CACNA1S: variants seen among roughly 807,000 people sequenced by gnomAD.
The protein encoded by CACNA1S is calcium voltage-gated channel subunit alpha1 S, also known as voltage-dependent L-type calcium channel subunit alpha-1S.
A neutral mutation model predicts 207.4 loss-of-function variants in CACNA1S; 126 were observed. The observed-to-expected ratio is 0.61, with a 90% CI of 0.53 to 0.70. The LOEUF is 0.70. Among genes scored for constraint, CACNA1S ranks in the 30% least tolerant of loss-of-function variants. The pLI, the probability that CACNA1S is intolerant of heterozygous loss-of-function variation, is 0.00. For missense variants in CACNA1S, 2,349 were observed against 2,422.8 expected, an observed-to-expected ratio of 0.97 and a Z score of 0.64; for synonymous variants, 960 against 932.7, an observed-to-expected ratio of 1.03 and a Z score of -0.53.
At chr1:201,058,517 G>A (rs373702601) in intron 27 of CACNA1S, 26 bp from the exon 28 acceptor site, 33 of 1,562,840 alleles carry the variant, frequency 2.1e-5, no homozygotes, top group South Asian at 1.3e-4. Context: ...ATGGGAAAGC[G>A]AGGGGGTGAG....
intron 2 of CACNA1S, among the ~76,000 whole-genome samples, chr1:201,100,252 T>A (rs1662599358): frequency 6.6e-6 from 1 of 152,250 alleles, no homozygotes; most frequent in Admixed American, 6.5e-5. Context: ...TCACAGAGGT[T>A]GGAAGTGAGA....
intron 2 of CACNA1S, among the ~76,000 whole-genome samples, chr1:201,098,017 C>T (rs921917891): frequency 9.9e-5 from 15 of 152,178 alleles, no homozygotes; most frequent in Non-Finnish European, 1.5e-4. Flanking sequence ...TGGCTCTCAC[C>T]CCCCAACTGT....
Position 201,085,491 on chromosome 1 carries a change from GCCCCGAAGGT to G in CACNA1S, c.1085_1094del (p.Asp362AlafsTer3). 3.1e-6 allele frequency: 5 copies of G among 1,613,208 alleles called. No individual in the cohort carries two copies. The highest frequency in any genetic ancestry group is 4.2e-6 in the Non-Finnish European group (5 of 1,179,878). On this transcript the variant is annotated frameshift_variant, in exon 8 of 44. Coordinates refer to ENST00000362061, the MANE Select transcript of CACNA1S (RefSeq NM_000069.3). LOFTEE classifies it high-confidence loss of function. ...CGCCCTGCGTGATCCAGCTCATGTA[GCCCCGAAGGT>G]CCTCATCTAGTTGCTGCTTCTCCCG...
At chr1:201,104,423 C>G (rs1662800105) in intron 2 of CACNA1S, among the ~76,000 whole-genome samples, 1 of 152,238 alleles carries the variant, frequency 6.6e-6, no homozygotes, top group African/African-American at 2.4e-5. Context: ...ACTATTCTGT[C>G]CTCTAGAGAT....
Position 201,065,863 on chromosome 1 carries a change from G to T in CACNA1S, c.2828C>A (p.Ala943Asp), listed in dbSNP as rs1190686993. ...LVTTLLQFMF[A>D]CIGVQLFKGK... Reference sequence around the variant, plus strand: ...CTTGAAGAGCTGGACGCCGATGCAGGCAAACATGAACTGTAGGAGGGTAGT... The same window carrying T: ...CTTGAAGAGCTGGACGCCGATGCAGTCAAACATGAACTGTAGGAGGGTAGT... The change falls in exon 22 of 44, where the codon GCC becomes GAC. Residue 943 changes from alanine (A) to aspartate (D), a missense_variant. Transcript: ENST00000362061. 6.2e-7 allele frequency: 1 copy of T among 1,614,036 alleles called. No individual in the cohort carries two copies. Among genetic ancestry groups the T allele is most frequent in the Admixed American group, 1.7e-5 (1 of 60,024 alleles).
At chr1:201,080,504 T>G (rs1661804719) in intron 10 of CACNA1S, among the ~76,000 whole-genome samples, 1 of 152,212 alleles carries the variant, frequency 6.6e-6, no homozygotes, top group East Asian at 1.9e-4. Context: ...ATGAATGAAT[T>G]CATCTGACCT....
chr1:201,064,715 T>A (rs1030810184), intron 22 of CACNA1S, among the ~76,000 whole-genome samples: 1 of 152,206 alleles, frequency 6.6e-6, no homozygotes, highest in Non-Finnish European at 1.5e-5. Context: ...CTGCAAATGA[T>A]CTGAGAGCCA....
At chr1:201,070,520 G>T (rs1205467456) in intron 16 of CACNA1S, 116 bp from the exon 17 acceptor site, 2 of 1,399,118 alleles carry the variant, frequency 1.4e-6, no homozygotes, top group Non-Finnish European at 2.0e-6. Context: ...GGACCACCAG[G>T]CTGACTTGGG....
chr1:201,047,556 C>T lies in CACNA1S; in HGVS notation c.4512G>A (p.Lys1504=), dbSNP rs1263584057. ...IKKIWKRTSM[K]LLDQVIPPIG... ...TTGGAGGGATGACCTGGTCCAAGAG[C>T]TTCATGCTGGTTCTCTTCCAGATCT... The change falls in exon 37 of 44, where the codon AAG becomes AAA. Residue 1504 remains lysine (K), a synonymous_variant. Coordinates refer to ENST00000362061, the MANE Select transcript of CACNA1S (RefSeq NM_000069.3). 6.2e-7 allele frequency: 1 copy of T among 1,614,182 alleles called. No homozygotes were observed. Among genetic ancestry groups the T allele is most frequent in the South Asian group, 1.1e-5 (1 of 91,080 alleles).
In CACNA1S at chr1:201,052,620, C is replaced by T. The variant is rs749856222; in HGVS notation, c.3890G>A (p.Gly1297Glu). 5.0e-5 allele frequency: 81 copies of T among 1,613,702 alleles called. No homozygotes were observed. In the Admixed American group the frequency reaches 1.4e-3, roughly 27 times the overall value. ...GTTGTTGTTCCGGTTTATTTGGGTC[C>T]CATCCACCAAGGCGATCTTCCCAAA... Reference protein sequence around the residue: ...QMFGKIALVDGTQINRNNNFQ... With the variant: ...QMFGKIALVDETQINRNNNFQ... The change falls in exon 32 of 44, where the codon GGG (glycine) becomes GAG (glutamate). Residue 1297 changes from glycine (G) to glutamate (E), a missense_variant. Transcript: ENST00000362061.
chr1:201,085,711 C>T (rs1168220571), intron 7 of CACNA1S, 130 bp from the exon 8 acceptor site: 1 of 1,048,424 alleles, frequency 9.5e-7, no homozygotes, highest in African/African-American at 1.6e-5. Context: ...CGGGGTGTTG[C>T]CTGGGGTCCA....
chr1:201,073,554 C>A lies in CACNA1S; in HGVS notation c.2152G>T (p.Ala718Ser), dbSNP rs1661495070. 1 of 1,613,198 alleles carries A rather than the reference C, an allele frequency of 6.2e-7. No homozygotes were observed. The highest frequency in any genetic ancestry group is 8.5e-7 in the Non-Finnish European group (1 of 1,179,200). The change falls in exon 15 of 44, where the codon GCC becomes TCC. Residue 718 changes from alanine to serine, a missense_variant. By Grantham distance (99) the Ala-to-Ser change is moderately conservative. Transcript: ENST00000362061. The stretch of plus-strand genomic sequence containing the variant: ...TCCCCACCTGAGGTGCTCACCTTGG[C>A]AGTGGTGGGGATGCCCTCACCCTTG... ...KPKGEGIPTT[A>S]KLKIDEFESN...
intron 2 of CACNA1S, among the ~76,000 whole-genome samples, chr1:201,106,035 C>T (rs1380024750): frequency 2.6e-5 from 4 of 152,164 alleles, no homozygotes; most frequent in South Asian, 2.1e-4. Context: ...ACCTGTATCA[C>T]CACACATCTG....
intron 2 of CACNA1S, among the ~76,000 whole-genome samples, chr1:201,100,535 G>A (rs1156659587): frequency 6.6e-6 from 1 of 152,190 alleles, no homozygotes; most frequent in Non-Finnish European, 1.5e-5. Context: ...TCCTACCTCT[G>A]TCTCAGGGGT....
intron 28 of CACNA1S, among the ~76,000 whole-genome samples, chr1:201,056,426 C>T (rs181788070): frequency 2.6e-5 from 4 of 152,338 alleles, no homozygotes; most frequent in Admixed American, 2.0e-4. Flanking sequence ...GTTCACCCCA[C>T]AGGCTGGCAC....
intron 5 of CACNA1S, among the ~76,000 whole-genome samples, chr1:201,090,501 G>A (rs187951433): frequency 2.7e-4 from 41 of 152,274 alleles, no homozygotes; most frequent in Admixed American, 5.2e-4. Flanking sequence ...TGTTGTCAGC[G>A]GTCATGAGGA....
At chr1:201,057,523 A>G (rs772769497) in intron 28 of CACNA1S, among the ~76,000 whole-genome samples, 10 of 152,250 alleles carry the variant, frequency 6.6e-5, no homozygotes, top group African/African-American at 9.6e-5. Context: ...TCACTGCTGT[A>G]TCTCAGGCAG....
chr1:201,102,941 G>C (rs1392563938), intron 2 of CACNA1S, among the ~76,000 whole-genome samples: 1 of 152,168 alleles, frequency 6.6e-6, no homozygotes, highest in Non-Finnish European at 1.5e-5. Context: ...GGAGGTCAGA[G>C]AAGGAAGGGA....
At chr1:201,069,826 C>G (rs1661389087) in intron 17 of CACNA1S, among the ~76,000 whole-genome samples, 1 of 152,180 alleles carries the variant, frequency 6.6e-6, no homozygotes, top group Admixed American at 6.5e-5. Context: ...CCAAGCCCCT[C>G]CCACCACCTG....
Sources: allele counts gnomAD v4.1 joint callset (sites outside exome capture counted in the v4.1 genomes callset), GRCh38; gene constraint gnomAD v4.1.1; transcripts MANE v1.5; gene names NCBI Gene and HGNC (gene_info 2026-07-23, HGNC 2026-07-21).